METTL25: variants seen among roughly 807,000 people sequenced by gnomAD.
The protein encoded by METTL25 is probable methyltransferase-like protein 25.
Under a neutral mutation model 71.6 loss-of-function variants are expected in METTL25, and 64 were observed. The observed-to-expected ratio is 0.89, with a 90% confidence interval of 0.73 to 1.10. METTL25 has a LOEUF of 1.10. Ranked by LOEUF, METTL25 falls within the 50% of genes least tolerant of loss-of-function variation. The pLI is 0.00. For missense variants in METTL25, 807 were observed against 707.0 expected (o/e 1.14, Z -1.60); for synonymous variants, 287 against 250.3 (o/e 1.15, Z -1.38).
chr12:82,426,789 CTG>C (rs1188251388), intron 5 of METTL25, among the ~76,000 whole-genome samples: 1 of 151,936 alleles, frequency 6.6e-6, no homozygotes, highest in African/African-American at 2.4e-5. Context: ...CCCAGGAATC[CTG>C]TGTTTCTCTG....
At chr12:82,451,998 C>T (rs541876232) in intron 8 of METTL25, among the ~76,000 whole-genome samples, 1 of 152,090 alleles carries the variant, frequency 6.6e-6, no homozygotes, top group South Asian at 2.1e-4. Context: ...AGTTTCTGTG[C>T]CCATAAGGCT....
chr12:82,386,642 G>A (rs1445779867), intron 1 of METTL25, among the ~76,000 whole-genome samples, 161 bp from the exon 2 acceptor site: 2 of 151,922 alleles, frequency 1.3e-5, no homozygotes, highest in African/African-American at 4.8e-5. Flanking sequence ...CGTTTAAATA[G>A]TAAATATAAA....
In METTL25 at chr12:82,435,467, A is replaced by G. The variant is rs536884758; in HGVS notation, c.1404+743A>G. 1.1e-4 allele frequency among the ~76,000 whole-genome samples: 17 copies of G among 151,580 alleles called. No homozygotes were observed. The East Asian group carries it at 3.1e-3, about 28-fold the overall frequency. On this transcript the variant is annotated intron_variant, in intron 7 of 11. Transcript: ENST00000248306. ...CATTTTGTATGTAATTATCTTTTTA[A>G]TATATACACTGTGCCTATCTTAAAA...
intron 2 of METTL25, among the ~76,000 whole-genome samples, chr12:82,389,614 T>C (rs1004192690): frequency 5.3e-5 from 8 of 152,100 alleles, no homozygotes; most frequent in African/African-American, 1.9e-4. Context: ...GGAATAGTTT[T>C]AATGTTCTAT....
At chr12:82,416,144 T>C (rs1243350787) in intron 5 of METTL25, among the ~76,000 whole-genome samples, 2 of 152,238 alleles carry the variant, frequency 1.3e-5, no homozygotes, top group East Asian at 1.9e-4. Context: ...CATGAACATA[T>C]AATCATCGTG....
At chr12:82,387,038 TA>T in intron 2 of METTL25, 71 bp downstream of exon 2, 4 of 1,213,106 alleles carry the variant, frequency 3.3e-6, no homozygotes, top group Non-Finnish European at 4.6e-6. Context: ...CATATATGTG[TA>T]TCTTTCCAAA....
intron 8 of METTL25, among the ~76,000 whole-genome samples, chr12:82,453,767 C>T (rs867175330): frequency 6.6e-6 from 1 of 151,996 alleles, no homozygotes; most frequent in Non-Finnish European, 1.5e-5. Context: ...TATATTAATG[C>T]ATTTTTCTCT....
chr12:82,390,744 A>G (rs1885492618), intron 3 of METTL25, among the ~76,000 whole-genome samples: 1 of 152,074 alleles, frequency 6.6e-6, no homozygotes, highest in South Asian at 2.1e-4. Flanking sequence ...AGGTAATACT[A>G]GTTTTCAGCC....
intron 9 of METTL25, among the ~76,000 whole-genome samples, chr12:82,466,812 T>G (rs1243604473): frequency 6.6e-6 from 1 of 152,158 alleles, no homozygotes; most frequent in East Asian, 1.9e-4. Context: ...GTCATATTCT[T>G]TTGCTAAAGT....
At chr12:82,465,488 G>T (rs1033361328) in intron 9 of METTL25, among the ~76,000 whole-genome samples, 3 of 151,908 alleles carry the variant, frequency 2.0e-5, no homozygotes, top group Admixed American at 2.0e-4. Flanking sequence ...TATTCTGTTG[G>T]ATTCAGTTTG....
intron 9 of METTL25, chr12:82,476,424 T>A: frequency 2.3e-6 from 1 of 433,364 alleles, no homozygotes; most frequent in Non-Finnish European, 4.1e-6. Flanking sequence ...ATGTTGCTGG[T>A]GGTTTTATTT....
At chr12:82,440,958 A>C (rs1356932408) in intron 8 of METTL25, among the ~76,000 whole-genome samples, 1 of 152,006 alleles carries the variant, frequency 6.6e-6, no homozygotes, top group Non-Finnish European at 1.5e-5. Context: ...TCAGTTCTGG[A>C]ATAGGCAACT....
intron 5 of METTL25, among the ~76,000 whole-genome samples, chr12:82,421,804 G>T (rs1189355265): frequency 6.6e-6 from 1 of 152,088 alleles, no homozygotes; most frequent in African/African-American, 2.4e-5. Context: ...TAGAAGAAAT[G>T]GATAAATTCC....
At chr12:82,396,116 T>G (rs922706521) in intron 3 of METTL25, among the ~76,000 whole-genome samples, 1 of 152,110 alleles carries the variant, frequency 6.6e-6, no homozygotes, top group African/African-American at 2.4e-5. Context: ...AGTAATATGC[T>G]GTACAGGTTT....
chr12:82,438,582 G>T, intron 7 of METTL25, 136 bp from the exon 8 acceptor site: 5 of 361,866 alleles, frequency 1.4e-5, no homozygotes, highest in East Asian at 4.4e-5. Flanking sequence ...CGCTCGTAAT[G>T]GAAAAATTAT....
intron 5 of METTL25, among the ~76,000 whole-genome samples, chr12:82,417,498 A>C (rs1888085910): frequency 6.6e-6 from 1 of 152,208 alleles, no homozygotes; most frequent in South Asian, 2.1e-4. Flanking sequence ...CACTCCCTTC[A>C]CATATTTCTT....
chr12:82,450,242 A>T (rs1421568219), intron 8 of METTL25, among the ~76,000 whole-genome samples: 2 of 151,950 alleles, frequency 1.3e-5, no homozygotes, highest in Non-Finnish European at 2.9e-5. Context: ...GGCTTTAAGT[A>T]TCATCTATAC....
chr12:82,467,657 T>C (rs1222580037), intron 9 of METTL25, among the ~76,000 whole-genome samples: 1 of 152,150 alleles, frequency 6.6e-6, no homozygotes, highest in Admixed American at 6.6e-5. Flanking sequence ...CCACTGTTCG[T>C]CTAATTGAGA....
chr12:82,374,159 G>A (rs528551712), intron 1 of METTL25: 6 of 164,788 alleles, frequency 3.6e-5, no homozygotes, highest in Admixed American at 6.5e-5. Flanking sequence ...TGGTGGGTTC[G>A]TCTTGCTGAC....
Sources: allele counts gnomAD v4.1 joint callset (sites outside exome capture counted in the v4.1 genomes callset), GRCh38; gene constraint gnomAD v4.1.1; transcripts MANE v1.5; gene names NCBI Gene and HGNC (gene_info 2026-07-23, HGNC 2026-07-21).